Variants in PFKFB3 observed in about 807,000 individuals in gnomAD.
PFKFB3 encodes the protein 6-phosphofructo-2-kinase/fructose-2,6-biphosphatase 3.
A neutral mutation model predicts 68.0 loss-of-function variants in PFKFB3; 33 were observed. The ratio of observed to expected loss-of-function variants is 0.49; its 90% CI spans 0.37 to 0.65. The LOEUF (loss-of-function observed/expected upper bound fraction) is 0.65. Ranked by LOEUF, PFKFB3 falls within the 30% of genes least tolerant of loss-of-function variation. The pLI, the probability that PFKFB3 is intolerant of heterozygous loss-of-function variation, is 0.00. For synonymous variants in PFKFB3, 315 were observed against 288.2 expected (o/e 1.09, Z -0.94); for missense variants, 586 against 712.2 (o/e 0.82, Z 2.02).
intron 1 of PFKFB3, among the ~76,000 whole-genome samples, chr10:6,155,863 AT>A (rs1450190549): frequency 6.6e-6 from 1 of 152,212 alleles, no homozygotes; most frequent in Non-Finnish European, 1.5e-5. Flanking sequence ...GAAAGAAAGA[AT>A]AAGAAAGTAG....
the PFKFB3 span, among the ~76,000 whole-genome samples, chr10:6,286,447 A>T: frequency 2.2e-3 from 332 of 151,952 alleles, 1 homozygote; most frequent in African/African-American, 7.6e-3. Context: ...GCATGATCTC[A>T]GCTCACTGCA....
At chr10:6,277,391 TTG>T in the PFKFB3 span, among the ~76,000 whole-genome samples, 24,512 of 151,836 alleles carry the variant, frequency 0.16, 2,639 homozygotes, top group East Asian at 0.49. Flanking sequence ...CAGCTAATTT[TTG>T]TATTTTTAGT....
downstream of PFKFB3, among the ~76,000 whole-genome samples, chr10:6,236,539 G>C (rs997944598): frequency 1.3e-5 from 2 of 152,254 alleles, no homozygotes; most frequent in Admixed American, 6.5e-5. Flanking sequence ...AGGCGGCAGA[G>C]ACTTGGCACC....
Position 6,222,979 on chromosome 10 carries a change from G to C in PFKFB3, c.1208G>C (p.Ser403Thr). Residue 403 changes from serine to threonine, a missense_variant, in exon 11 of 15, where the codon AGT becomes ACT. Coordinates refer to ENST00000379775, the MANE Select transcript of PFKFB3 (RefSeq NM_004566.4). ...CTGCTTGCCTACTTCCTGGATAAGA[G>C]TGCAGGTACCTCGGGCAGGTCGTGG... ...RCLLAYFLDK[S>T]AEEMPYLKCP... 6.2e-7 allele frequency: 1 copy of C among 1,613,148 alleles called. No individual in the cohort carries two copies. The highest frequency in any genetic ancestry group is 8.5e-7 in the Non-Finnish European group (1 of 1,179,422).
chr10:6,219,688 C>G lies in PFKFB3; in HGVS notation c.618C>G (p.Cys206Trp), dbSNP rs780129830. 1.9e-6 allele frequency: 3 copies of G among 1,613,484 alleles called. No individual in the cohort carries two copies. The African/African-American group carries it at 4.0e-5, about 22-fold the overall frequency. Reference protein sequence around the residue: ...ASYQPLDPDKCDRDLSLIKVI... With the variant: ...ASYQPLDPDKWDRDLSLIKVI... ...ACCAGCCCCTCGACCCCGACAAATG[C>G]GACAGGTGATTCCCGTGGCTGGCCG... Residue 206 changes from cysteine to tryptophan, a missense_variant, in exon 7 of 15, where the codon TGC (cysteine) becomes TGG (tryptophan). By Grantham distance (215) the Cys-to-Trp change is radical. Transcript: ENST00000379775.
the PFKFB3 span, among the ~76,000 whole-genome samples, chr10:6,262,409 C>T: frequency 1.8e-4 from 23 of 130,142 alleles, no homozygotes; most frequent in Non-Finnish European, 3.2e-4. Flanking sequence ...GAGCAGAGAT[C>T]ACACCACTGC....
the PFKFB3 span, among the ~76,000 whole-genome samples, chr10:6,283,861 G>C: frequency 6.6e-6 from 1 of 152,070 alleles, no homozygotes; most frequent in Non-Finnish European, 1.5e-5. Flanking sequence ...ATTGGACCCT[G>C]GTGCCACCCC....
chr10:6,216,163 A>C lies in PFKFB3; in HGVS notation c.338A>C (p.Tyr113Ser). The change falls in exon 4 of 15, where the codon TAC becomes TCC. Residue 113 changes from tyrosine (Y) to serine (S), a missense_variant. Transcript: ENST00000379775. ...ALAALRDVKSYLAKEGGQIAV... is the reference protein window; with the variant it reads ...ALAALRDVKSSLAKEGGQIAV... The stretch of plus-strand genomic sequence containing the variant: ...GCTGCCTTGAGAGATGTCAAAAGCT[A>C]CCTGGCGAAAGAAGGGGGACAAATT... 1 of 1,614,170 alleles carries C rather than the reference A, an allele frequency of 6.2e-7. No homozygotes were observed. The highest frequency in any genetic ancestry group is 8.5e-7 in the Non-Finnish European group (1 of 1,180,012).
the PFKFB3 span, among the ~76,000 whole-genome samples, chr10:6,310,903 C>T: frequency 6.6e-6 from 1 of 152,110 alleles, no homozygotes; most frequent in Non-Finnish European, 1.5e-5. Flanking sequence ...ATTTCTTAAA[C>T]TTTGTTTAGT....
intron 14 of PFKFB3, among the ~76,000 whole-genome samples, chr10:6,226,712 G>A (rs1032585756): frequency 3.3e-5 from 5 of 152,184 alleles, no homozygotes; most frequent in Non-Finnish European, 5.9e-5. Flanking sequence ...GTTCACGTTC[G>A]TGAATGGTTA....
chr10:6,285,972 G>GTTTTTTTTT, the PFKFB3 span, among the ~76,000 whole-genome samples: 3 of 89,044 alleles, frequency 3.4e-5, no homozygotes, highest in African/African-American at 4.8e-5. Context: ...TCCTTTCACT[G>GTTTTTTTTT]TTTTTTTTTT....
chr10:6,296,823 C>G, the PFKFB3 span, among the ~76,000 whole-genome samples: 2 of 152,132 alleles, frequency 1.3e-5, no homozygotes, highest in East Asian at 1.9e-4. Flanking sequence ...TTTACTGCAT[C>G]CTGTTTTATC....
intron 6 of PFKFB3, among the ~76,000 whole-genome samples, chr10:6,217,460 GT>G (rs1204124111): frequency 6.6e-6 from 1 of 152,258 alleles, no homozygotes; most frequent in African/African-American, 2.4e-5. Context: ...ATTAGTTTCT[GT>G]TGGTGGCAGG....
chr10:6,326,179 G>T, the PFKFB3 span, among the ~76,000 whole-genome samples: 1 of 152,130 alleles, frequency 6.6e-6, no homozygotes, highest in Non-Finnish European at 1.5e-5. Context: ...GCAAACTAAC[G>T]CCTGCAGAAA....
In PFKFB3 at chr10:6,154,403, G is replaced by T. The variant is rs979704600; in HGVS notation, c.16+9390G>T. Among the ~76,000 whole-genome samples, 2 of 152,064 alleles carry T rather than the reference G, an allele frequency of 1.3e-5. No individual in the cohort carries two copies. Among genetic ancestry groups the T allele is most frequent in the Non-Finnish European group, 2.9e-5 (2 of 68,036 alleles). ...TGGGATTACAGGTGCATGCTACCGC[G>T]TCCAGCTAATTTTTTTGTATTTTTA... On this transcript the variant is annotated intron_variant, in intron 1 of 14. Transcript: ENST00000379789. This position sits in a 1 kb window ranked among gnomAD's most constrained non-coding sequence, Gnocchi z 4.6.
chr10:6,280,342 A>T, the PFKFB3 span, among the ~76,000 whole-genome samples: 2 of 152,222 alleles, frequency 1.3e-5, no homozygotes, highest in African/African-American at 4.8e-5. Context: ...ACGATTGGGC[A>T]TGGGCCATGT....
intron 14 of PFKFB3, among the ~76,000 whole-genome samples, chr10:6,251,796 C>T (rs1846387742): frequency 6.6e-6 from 1 of 152,040 alleles, no homozygotes; most frequent in African/African-American, 2.4e-5. Context: ...TAGTGAAACC[C>T]CATCTCTCTA....
chr10:6,151,863 C>A (rs900804169), intron 1 of PFKFB3, among the ~76,000 whole-genome samples: 1 of 151,878 alleles, frequency 6.6e-6, no homozygotes, highest in Non-Finnish European at 1.5e-5. Flanking sequence ...GGCTGTCGGG[C>A]GGCAGGCACT....
At chr10:6,205,388 C>CTTTTTTTTTTTTTTT (rs3084014) in intron 1 of PFKFB3, among the ~76,000 whole-genome samples, 1 of 106,542 alleles carries the variant, frequency 9.4e-6, no homozygotes, top group African/African-American at 3.7e-5. Flanking sequence ...TTCTTTCTTC[C>CTTTTTTTTTTTTTTT]TTTTTTTTTT....
Sources: gnomAD v4.1 joint callset for allele counts (sites outside exome capture counted in the v4.1 genomes callset) on GRCh38, gnomAD v4.1.1 for gene constraint, Gnocchi (gnomAD v3.1) non-coding constraint, MANE v1.5 for transcripts, NCBI Gene and HGNC (gene_info 2026-07-23, HGNC 2026-07-21) for gene names.